The following OPCML variants were observed in gnomAD, a reference collection of about 807,000 sequenced individuals.
OPCML encodes opioid-binding protein/cell adhesion molecule.
A neutral mutation model predicts 37.8 loss-of-function variants in OPCML; 13 were observed. The observed-to-expected ratio is 0.34, with a 90% CI of 0.22 to 0.55. OPCML has a LOEUF of 0.55. OPCML is among the 20% of genes least tolerant of loss of function. The pLI, the probability that OPCML is intolerant of heterozygous loss-of-function variation, is 0.91. For synonymous variants in OPCML, 176 were observed against 168.8 expected (o/e 1.04, Z -0.33); for missense variants, 341 against 435.6 (o/e 0.78, Z 1.93).
chr11:133,275,372 A>G (rs1267157442), intron 1 of OPCML, among the ~76,000 whole-genome samples: 1 of 152,138 alleles, frequency 6.6e-6, no homozygotes, highest in African/African-American at 2.4e-5. Context: ...TCTCATCATT[A>G]ATTCTTAAAA....
chr11:133,499,552 T>C (rs1947859833), intron 1 of OPCML, among the ~76,000 whole-genome samples: 1 of 151,864 alleles, frequency 6.6e-6, no homozygotes, highest in Non-Finnish European at 1.5e-5. Context: ...GCTTTGAGAT[T>C]TTGAGGCTCT....
chr11:132,523,609 A>C (rs1181850401), intron 4 of OPCML, among the ~76,000 whole-genome samples: 1 of 152,220 alleles, frequency 6.6e-6, no homozygotes, highest in Non-Finnish European at 1.5e-5. Context: ...GAAAAAATAC[A>C]GTAGCTATTT....
intron 3 of OPCML, among the ~76,000 whole-genome samples, chr11:132,589,025 G>T (rs1332449951): frequency 6.6e-6 from 1 of 152,120 alleles, no homozygotes; most frequent in Non-Finnish European, 1.5e-5. Flanking sequence ...TTATTAGCAC[G>T]ATATAGCCTA....
intron 1 of OPCML, among the ~76,000 whole-genome samples, chr11:133,317,672 C>T (rs1410568514): frequency 6.6e-6 from 1 of 152,280 alleles, no homozygotes; most frequent in East Asian, 1.9e-4. Context: ...GTATCTCTGC[C>T]TATTGGCTCT....
intron 2 of OPCML, among the ~76,000 whole-genome samples, chr11:132,818,750 C>G (rs1203414090): frequency 1.4e-5 from 2 of 146,482 alleles, no homozygotes; most frequent in Non-Finnish European, 3.0e-5. Context: ...TTTCAAAGTC[C>G]TTGCCTGCCA....
chr11:132,591,198 T>G (rs1001014944), intron 3 of OPCML, among the ~76,000 whole-genome samples: 1 of 152,144 alleles, frequency 6.6e-6, no homozygotes, highest in Admixed American at 6.6e-5. Context: ...TTGGAGTTGC[T>G]GTGGAAATGA....
rs1261892789 is a variant in OPCML, at chr11:132,416,070, C to T, written c.*4123G>A. On this transcript the variant is annotated 3_prime_UTR_variant, in exon 8 of 8. Coordinates refer to ENST00000524381, the MANE Select transcript of OPCML (RefSeq NM_001012393.5). ...TATAAGAGTTTCCAAGATAAGGTCA[C>T]GTGCAAAATGAAAACAAAAGATTCT... is the stretch of plus-strand genomic sequence containing the variant. 1.3e-5 allele frequency: 2 copies of T among 152,414 alleles called. No homozygotes were observed. Among genetic ancestry groups the T allele is most frequent in the Non-Finnish European group, 2.9e-5 (2 of 68,010 alleles). 9.4% of individuals were successfully genotyped at this position (152,414 alleles called of 1,614,324 possible).
intron 2 of OPCML, among the ~76,000 whole-genome samples, chr11:132,892,948 T>G (rs1240224234): frequency 2.0e-5 from 3 of 152,168 alleles, no homozygotes; most frequent in African/African-American, 7.2e-5. Context: ...CTATAGCTAT[T>G]TTCATGTACT....
At chr11:133,180,468 CAT>C (rs1196132005) in intron 1 of OPCML, among the ~76,000 whole-genome samples, 1 of 152,140 alleles carries the variant, frequency 6.6e-6, no homozygotes, top group African/African-American at 2.4e-5. Context: ...TGGTTCAAAT[CAT>C]AGCAAATGTA....
chr11:133,398,934 A>G (rs888481659), intron 1 of OPCML, among the ~76,000 whole-genome samples: 4 of 152,218 alleles, frequency 2.6e-5, no homozygotes, highest in Non-Finnish European at 5.9e-5. Context: ...ATTTACATCC[A>G]TTCTGCAAGA....
intron 1 of OPCML, among the ~76,000 whole-genome samples, chr11:132,970,523 T>A (rs142098087): frequency 2.0e-5 from 3 of 152,336 alleles, no homozygotes; most frequent in Non-Finnish European, 4.4e-5. Context: ...CTCAGTATTA[T>A]CAGTGCCTAC....
At chr11:133,141,725 C>A (rs570552142) in intron 1 of OPCML, among the ~76,000 whole-genome samples, 15 of 152,212 alleles carry the variant, frequency 9.9e-5, no homozygotes, top group Non-Finnish European at 2.1e-4. Flanking sequence ...ACCAGCATAT[C>A]TGAAGCTAAA....
chr11:132,990,854 A>G (rs1946761647), intron 1 of OPCML, among the ~76,000 whole-genome samples: 1 of 152,228 alleles, frequency 6.6e-6, no homozygotes, highest in Admixed American at 6.5e-5. Context: ...TACTGGGTGG[A>G]GTCATAAAAT....
intron 1 of OPCML, among the ~76,000 whole-genome samples, chr11:133,113,480 G>A (rs1166966171): frequency 6.6e-6 from 1 of 152,212 alleles, no homozygotes; most frequent in Non-Finnish European, 1.5e-5. Flanking sequence ...TTTCAGACAT[G>A]TGTATCATTA....
chr11:133,315,224 A>G (rs1943177730), intron 1 of OPCML, among the ~76,000 whole-genome samples: 1 of 152,314 alleles, frequency 6.6e-6, no homozygotes, highest in South Asian at 2.1e-4. Flanking sequence ...GAAAATTTAA[A>G]GCATGTGCAC....
rs1011658461 is a variant in OPCML, at chr11:133,488,216, C to T, written c.61+44048G>A. The stretch of plus-strand genomic sequence containing the variant: ...TAAGAAATGGAACAAGACAAAGATA[C>T]CCACTTTTATCATTTCTATTCTCCA... On this transcript the variant is annotated intron_variant, in intron 1 of 7. Coordinates refer to ENST00000524381, the MANE Select transcript of OPCML (RefSeq NM_001012393.5). 1.3e-5 allele frequency among the ~76,000 whole-genome samples: 2 copies of T among 151,988 alleles called. 1 individual carries two copies.
chr11:133,522,778 G>A (rs868562623), intron 1 of OPCML, among the ~76,000 whole-genome samples: 7 of 152,150 alleles, frequency 4.6e-5, no homozygotes, highest in Non-Finnish European at 1.0e-4. Flanking sequence ...CCCTTTGCCC[G>A]AGTGCTTCAT....
At chr11:133,023,424 G>A (rs1384241910) in intron 1 of OPCML, among the ~76,000 whole-genome samples, 1 of 152,140 alleles carries the variant, frequency 6.6e-6, no homozygotes, top group Non-Finnish European at 1.5e-5. Flanking sequence ...ATAAATGAAA[G>A]ATATTATTAT....
At chr11:132,869,097 G>A (rs992753545) in intron 2 of OPCML, among the ~76,000 whole-genome samples, 2 of 152,180 alleles carry the variant, frequency 1.3e-5, no homozygotes, top group Non-Finnish European at 2.9e-5. Context: ...CACTGGGGGA[G>A]AAAGAGCCAG....
Sources: gnomAD v4.1 joint callset for allele counts (sites outside exome capture counted in the v4.1 genomes callset) on GRCh38, gnomAD v4.1.1 for gene constraint, MANE v1.5 for transcripts, NCBI Gene and HGNC (gene_info 2026-07-23, HGNC 2026-07-21) for gene names.